Variants in DDX6 observed in about 807,000 individuals in gnomAD.
The protein encoded by DDX6 is probable ATP-dependent RNA helicase DDX6.
Under a neutral mutation model 60.6 loss-of-function variants are expected in DDX6, and 7 were observed. That is an observed-to-expected ratio of 0.12 (90% CI 0.07 to 0.22). DDX6 has a LOEUF of 0.22. Among genes scored for constraint, DDX6 ranks in the 10% least tolerant of loss-of-function variants. The pLI is 1.00. For missense variants in DDX6, 270 were observed against 589.9 expected (o/e 0.46, Z 5.62); for synonymous variants, 207 against 201.0 (o/e 1.03, Z -0.25).
At chr11:118,782,010 C>T (rs1190099907) in intron 2 of DDX6, among the ~76,000 whole-genome samples, 1 of 151,830 alleles carries the variant, frequency 6.6e-6, no homozygotes, top group Non-Finnish European at 1.5e-5. Flanking sequence ...GTCAGGAGTT[C>T]GAGAGTAGCC....
chr11:118,754,459 A>ACT (rs1269022122), intron 13 of DDX6: 7 of 400,804 alleles, frequency 1.7e-5, no homozygotes, highest in Non-Finnish European at 3.1e-5. Flanking sequence ...TTATTTTAGG[A>ACT]CTCTGAATTT....
At chr11:118,762,538 G>A (rs529125364) in intron 7 of DDX6, among the ~76,000 whole-genome samples, 209 of 152,162 alleles carry the variant, frequency 1.4e-3, no homozygotes, top group African/African-American at 4.6e-3. Context: ...GTAGAGTATC[G>A]GCTGTCTGCC....
At chr11:118,774,939 G>GA (rs1555163337) in intron 4 of DDX6, among the ~76,000 whole-genome samples, 1 of 152,202 alleles carries the variant, frequency 6.6e-6, no homozygotes, top group East Asian at 1.9e-4. Flanking sequence ...AGAATGGAAA[G>GA]AATACTAGAA....
chr11:118,771,901 G>A (rs1861547436), intron 4 of DDX6, among the ~76,000 whole-genome samples: 2 of 152,166 alleles, frequency 1.3e-5, no homozygotes, highest in South Asian at 4.1e-4. Context: ...GTTAAAAAGA[G>A]TTACCATATG....
At position 118,786,505 on chromosome 11, in the gene DDX6, T is replaced by C. The variant is rs1862079110; in HGVS notation, c.-254A>G. Reference sequence around the variant, plus strand: ...TAACAAGCTTGAGTTATATCTGAATTCACTCACGTCAATCTGAAACAAACA... The same window carrying C: ...TAACAAGCTTGAGTTATATCTGAATCCACTCACGTCAATCTGAAACAAACA... On this transcript the variant is annotated 5_prime_UTR_variant, in exon 2 of 14. Transcript: ENST00000534980. The C allele has an allele frequency of 9.5e-6, 3 of 316,484 alleles. No individual in the cohort carries two copies. The highest frequency in any genetic ancestry group is 8.4e-4 in the Middle Eastern group (1 of 1,190). The allele number at this position is 316,484 out of a possible 1,614,324, so 19.6% of individuals were successfully genotyped here.
intron 13 of DDX6, among the ~76,000 whole-genome samples, chr11:118,753,032 G>T (rs1860831772): frequency 6.6e-6 from 1 of 152,150 alleles, no homozygotes; most frequent in African/African-American, 2.4e-5. Context: ...AATCAGAGTG[G>T]GTTATTTATA....
At chr11:118,774,464 C>CTTTTTTT (rs11442846) in intron 4 of DDX6, among the ~76,000 whole-genome samples, 2 of 116,424 alleles carry the variant, frequency 1.7e-5, no homozygotes, top group Non-Finnish European at 1.7e-5. Flanking sequence ...CTCTAACAGT[C>CTTTTTTT]TTTTTTTTTT....
In DDX6 at chr11:118,758,744, A is replaced by G. The variant is rs1378207280; in HGVS notation, c.993+30T>C. Reference sequence around the variant, plus strand: ...TCTGTTTTACTGGGACTCGAGAGATAATATTCAACAGCAGAAGCCTACTTC... The same window carrying G: ...TCTGTTTTACTGGGACTCGAGAGATGATATTCAACAGCAGAAGCCTACTTC... On this transcript the variant is annotated intron_variant, in intron 9 of 13. Transcript: ENST00000534980. 4.3e-6 allele frequency: 7 copies of G among 1,610,994 alleles called. No homozygotes were observed. The Admixed American group carries it at 8.4e-5, about 19-fold the overall frequency.
chr11:118,761,979 T>C (rs754504159), intron 7 of DDX6, among the ~76,000 whole-genome samples: 11 of 151,394 alleles, frequency 7.3e-5, no homozygotes, highest in Non-Finnish European at 1.2e-4. Context: ...TCATGTTACC[T>C]AAAACACAAA....
At chr11:118,755,779 C>T (rs1860946211) in intron 11 of DDX6, among the ~76,000 whole-genome samples, 1 of 151,584 alleles carries the variant, frequency 6.6e-6, no homozygotes, top group Non-Finnish European at 1.5e-5. Flanking sequence ...TTTGGGAGAC[C>T]AAAGCAGGAA....
intron 12 of DDX6, 33 bp from the exon 13 acceptor site, chr11:118,754,920 T>C: frequency 6.5e-7 from 1 of 1,541,306 alleles, no homozygotes; most frequent in Non-Finnish European, 8.8e-7. Flanking sequence ...TTTTAATGAA[T>C]AAAATATGAA....
In DDX6 at chr11:118,768,350, C is replaced by T. The variant is rs1555161698; in HGVS notation, c.372G>A (p.Glu124=). The T allele has an allele frequency of 3.1e-6, 5 of 1,611,804 alleles. No homozygotes were observed. The Admixed American group carries it at 5.0e-5, about 16-fold the overall frequency. The part of the protein sequence containing the change: ...MGWEKPSPIQ[E]ESIPIALSGR... ...CAGATAAAGCAATGGGAATGCTCTC[C>T]TCCTAAAAGAGATAAGACAATACAA... Residue 124 remains glutamate (E), a splice_region_variant and synonymous_variant, in exon 5 of 14, where the codon GAG becomes GAA. Coordinates refer to ENST00000534980, the MANE Select transcript of DDX6 (RefSeq NM_004397.6).
intron 11 of DDX6, 119 bp downstream of exon 11, chr11:118,756,141 A>G: frequency 1.4e-6 from 1 of 697,018 alleles, no homozygotes. Context: ...CAGAAATCCT[A>G]GAAGTAGTGG....
rs1861314394 is a variant in DDX6 at position 118,765,362 on chromosome 11, C to T, written c.500-7G>A. On this transcript the variant is annotated splice_region_variant and splice_polypyrimidine_tract_variant and intron_variant, in intron 5 of 13. Transcript: ENST00000534980. ...GTGGGAACAATCACCATTGCTGAAA[C>T]AGTATCAAGGAATATATAAGAAAAT... 1 of 1,613,772 alleles carries T rather than the reference C, an allele frequency of 6.2e-7. No homozygotes were observed. Among genetic ancestry groups the T allele is most frequent in the Non-Finnish European group, 8.5e-7 (1 of 1,179,816 alleles).
At chr11:118,777,742 A>C (rs1310974503) in intron 4 of DDX6, among the ~76,000 whole-genome samples, 1 of 152,224 alleles carries the variant, frequency 6.6e-6, no homozygotes, top group Non-Finnish European at 1.5e-5. Flanking sequence ...TGCAAAAATT[A>C]GTTAGGTGTG....
chr11:118,790,300 G>A (rs1052451649), intron 1 of DDX6: 5 of 152,014 alleles, frequency 3.3e-5, no homozygotes, highest in Admixed American at 6.6e-5. Flanking sequence ...AAAAGGTTGG[G>A]GCTCTGCAAT....
At chr11:118,764,801 C>T (rs1861293716) in intron 6 of DDX6, among the ~76,000 whole-genome samples, 2 of 64,886 alleles carry the variant, frequency 3.1e-5, no homozygotes, top group South Asian at 1.1e-3. Context: ...AAGACTCCAT[C>T]TCCAAAAAAA....
At chr11:118,763,351 G>T in intron 6 of DDX6, 45 bp from the exon 7 acceptor site, 1 of 1,405,416 alleles carries the variant, frequency 7.1e-7, no homozygotes, top group Non-Finnish European at 1.0e-6. Context: ...ATTTTAATTT[G>T]AGCAAAGAGG....
intron 4 of DDX6, among the ~76,000 whole-genome samples, chr11:118,776,278 CACTT>C (rs1469262570): frequency 1.8e-4 from 27 of 152,280 alleles, no homozygotes; most frequent in African/African-American, 6.5e-4. Context: ...TGAATTATCT[CACTT>C]AATCTTTACA....
Sources: gnomAD v4.1 joint callset for allele counts (sites outside exome capture counted in the v4.1 genomes callset) on GRCh38, gnomAD v4.1.1 for gene constraint, MANE v1.5 for transcripts, NCBI Gene and HGNC (gene_info 2026-07-23, HGNC 2026-07-21) for gene names.